Variants in FOS observed in about 807,000 individuals in gnomAD.
The protein encoded by FOS is protein c-Fos.
FOS carries 9 observed loss-of-function variants against 27.2 expected under a neutral mutation model. That is an observed-to-expected ratio of 0.33 (90% CI 0.20 to 0.58). The LOEUF is 0.58. FOS is among the 20% of genes least tolerant of loss of function. FOS has a pLI of 0.87. For missense variants in FOS, 405 were observed against 483.5 expected (o/e 0.84, Z 1.52); for synonymous variants, 213 against 205.1 (o/e 1.04, Z -0.33).
chr14:75,280,703 A>C (rs1387117510), intron 3 of FOS, 36 bp downstream of exon 3: 1 of 1,518,550 alleles, frequency 6.6e-7, no homozygotes, highest in Non-Finnish European at 8.8e-7. Context: ...TTTAAAACTT[A>C]AGGGGAAAGT....
chr14:75,279,278 T>C lies in FOS; in HGVS notation c.141+155T>C. 1.0e-6 allele frequency: 1 copy of C among 973,106 alleles called. No homozygotes were observed. The allele number at this position is 973,106 out of a possible 1,614,324, so 60.3% of individuals were successfully genotyped here. A position where few individuals can be genotyped will look rare whatever the true frequency, so the allele number is the denominator to read the frequency against. On this transcript the variant is annotated intron_variant, in intron 1 of 3. Coordinates refer to ENST00000303562, the MANE Select transcript of FOS (RefSeq NM_005252.4). The surrounding 1 kb of genome is among the most constrained non-coding windows in gnomAD (Gnocchi z 5.4). ...CGGTGCCGGCTCGGGGGCTCGGGAC[T>C]TGCTCTGAGCGCACGCACGCTTGCC...
Position 75,281,014 on chromosome 14 carries a change from A to G in FOS, c.733A>G (p.Asn245Asp). 1 of 1,614,010 alleles carries G rather than the reference A, an allele frequency of 6.2e-7. No individual in the cohort carries two copies. Among genetic ancestry groups the G allele is most frequent in the Non-Finnish European group, 8.5e-7 (1 of 1,180,010 alleles). ...GGAGGCCTTCACCCTGCCTCTCCTC[A>G]ATGACCCTGAGCCCAAGCCCTCAGT... ...SEEAFTLPLL[N>D]DPEPKPSVEP... The change falls in exon 4 of 4, where the codon AAT (asparagine) becomes GAT (aspartate). Residue 245 changes from asparagine to aspartate, a missense_variant. By Grantham distance (23) the Asn-to-Asp change is conservative (BLOSUM62 1). Coordinates refer to ENST00000303562, the MANE Select transcript of FOS (RefSeq NM_005252.4). This position sits in a 1 kb window ranked among gnomAD's most constrained non-coding sequence, Gnocchi z 4.7.
chr14:75,280,260 G>C, intron 2 of FOS, 132 bp downstream of exon 2: 1 of 1,251,348 alleles, frequency 8.0e-7, no homozygotes, highest in Non-Finnish European at 1.1e-6. Flanking sequence ...TGGGAGCCCT[G>C]GCTCCAAGCC....
chr14:75,279,072 C>G lies in FOS; in HGVS notation c.90C>G (p.Tyr30Ter). 1.2e-6 allele frequency: 2 copies of G among 1,613,716 alleles called. No individual in the cohort carries two copies. ...ASPAGDSLSY[Y>*]HSPADSFSSM... ...CGGCCGGGGATAGCCTCTCTTACTA[C>G]CACTCACCCGCAGACTCCTTCTCCA... Residue 30 changes from tyrosine to a stop codon, truncating the protein, a stop_gained, in exon 1 of 4, where the codon TAC becomes TAG. Transcript: ENST00000303562. LOFTEE classifies it high-confidence loss of function. The surrounding 1 kb of genome is among the most constrained non-coding windows in gnomAD (Gnocchi z 5.4).
In FOS at chr14:75,279,670, C is replaced by T. The variant is rs1009320074; in HGVS notation, c.142-207C>T. Reference sequence around the variant, plus strand: ...TGCTGAAGGGATAACGGGAACGCAGCGGCAGGATGGAAGAGACAGGCACTG... The same window carrying T: ...TGCTGAAGGGATAACGGGAACGCAGTGGCAGGATGGAAGAGACAGGCACTG... On this transcript the variant is annotated intron_variant, in intron 1 of 3. Transcript: ENST00000303562. This position sits in a 1 kb window ranked among gnomAD's most constrained non-coding sequence, Gnocchi z 5.4. 8.3e-6 allele frequency: 5 copies of T among 601,908 alleles called. No homozygotes were observed. The highest frequency in any genetic ancestry group is 3.0e-5 in the Admixed American group (1 of 33,766). The allele number at this position is 601,908 out of a possible 1,614,324, so 37.3% of individuals were successfully genotyped here. A position where few individuals can be genotyped will look rare whatever the true frequency, so the allele number is the denominator to read the frequency against.
At position 75,278,890 on chromosome 14, in the gene FOS, C is replaced by T; in HGVS notation, c.-93C>T. On this transcript the variant is annotated 5_prime_UTR_variant, in exon 1 of 4. In the 5' UTR this introduces an upstream ATG that the reference lacks. Transcript: ENST00000303562. This position sits in a 1 kb window ranked among gnomAD's most constrained non-coding sequence, Gnocchi z 4.1. ...GAGCCGGCGGCCGCGGCGCAGCGAA[C>T]GAGCAGTGACCGTGCTCCTACCCAG... 1 of 1,486,986 alleles carries T rather than the reference C, an allele frequency of 6.7e-7. No homozygotes were observed. The highest frequency in any genetic ancestry group is 9.2e-7 in the Non-Finnish European group (1 of 1,091,178). 92.1% of individuals were successfully genotyped at this position (1,486,986 alleles called of 1,614,324 possible).
chr14:75,281,253 C>G lies in FOS; in HGVS notation c.972C>G (p.Cys324Trp), dbSNP rs374995842. Reference sequence around the variant, plus strand: ...TGGCCACAGAGCTGGAGCCCCTGTGCACTCCGGTGGTCACCTGTACTCCCA... The same window carrying G: ...TGGCCACAGAGCTGGAGCCCCTGTGGACTCCGGTGGTCACCTGTACTCCCA... ...GPMATELEPLCTPVVTCTPSC... is the reference protein window; with the variant it reads ...GPMATELEPLWTPVVTCTPSC... Residue 324 changes from cysteine (C) to tryptophan (W), a missense_variant, in exon 4 of 4, where the codon TGC becomes TGG. Coordinates refer to ENST00000303562, the MANE Select transcript of FOS (RefSeq NM_005252.4). The surrounding 1 kb of genome is among the most constrained non-coding windows in gnomAD (Gnocchi z 4.7). The G allele has an allele frequency of 1.9e-6, 3 of 1,612,180 alleles. No homozygotes were observed. The highest frequency in any genetic ancestry group is 2.5e-6 in the Non-Finnish European group (3 of 1,180,004).
chr14:75,281,234 C>G lies in FOS; in HGVS notation c.953C>G (p.Thr318Arg). 1 of 1,612,736 alleles carries G rather than the reference C, an allele frequency of 6.2e-7. No individual in the cohort carries two copies. Residue 318 changes from threonine (T) to arginine (R), a missense_variant, in exon 4 of 4, where the codon ACA becomes AGA. Physicochemically the swap from Thr to Arg is moderately conservative, Grantham distance 71 (BLOSUM62 -1). Transcript: ENST00000303562. This position sits in a 1 kb window ranked among gnomAD's most constrained non-coding sequence, Gnocchi z 4.7. ...SGSLGMGPMA[T>R]ELEPLCTPVV... ...TCCCTGGGGATGGGGCCCATGGCCA[C>G]AGAGCTGGAGCCCCTGTGCACTCCG...
rs1347326832 is a variant in FOS, at chr14:75,279,207, A to C, written c.141+84A>C. The C allele has an allele frequency of 6.4e-7, 1 of 1,562,514 alleles. No homozygotes were observed. Among genetic ancestry groups the C allele is most frequent in the Non-Finnish European group, 8.7e-7 (1 of 1,151,686 alleles). ...ACCGGGCGGGACGCTCCAGTAGATG[A>C]GTAGGGGGCTCCCTTGTGCCTGGAG... On this transcript the variant is annotated intron_variant, in intron 1 of 3. Transcript: ENST00000303562. This position sits in a 1 kb window ranked among gnomAD's most constrained non-coding sequence, Gnocchi z 5.4.
At chr14:75,280,432 A>T in intron 2 of FOS, 128 bp from the exon 3 acceptor site, 2 of 759,684 alleles carry the variant, frequency 2.6e-6, no homozygotes, top group Non-Finnish European at 4.3e-6. Context: ...ACTGCAGGTC[A>T]GAAATGGTTT....
rs4645853 is a variant in FOS, at chr14:75,279,191, G to A, written c.141+68G>A. 47,993 of 1,596,570 alleles carry A rather than the reference G, an allele frequency of 0.03. 834 individuals carry two copies. Among genetic ancestry groups the A allele is most frequent in the African/African-American group, 0.055 (4,078 of 74,818 alleles). On this transcript the variant is annotated intron_variant, in intron 1 of 3. Coordinates refer to ENST00000303562, the MANE Select transcript of FOS (RefSeq NM_005252.4). The surrounding 1 kb of genome is among the most constrained non-coding windows in gnomAD (Gnocchi z 5.4). Reference sequence around the variant, plus strand: ...TCGCGGAGGAGGAGACACCGGGCGGGACGCTCCAGTAGATGAGTAGGGGGC... The same window carrying A: ...TCGCGGAGGAGGAGACACCGGGCGGAACGCTCCAGTAGATGAGTAGGGGGC...
At position 75,279,268 on chromosome 14, in the gene FOS, G is replaced by T; in HGVS notation, c.141+145G>T. On this transcript the variant is annotated intron_variant, in intron 1 of 3. Coordinates refer to ENST00000303562, the MANE Select transcript of FOS (RefSeq NM_005252.4). The surrounding 1 kb of genome is among the most constrained non-coding windows in gnomAD (Gnocchi z 5.4). ...GTGGCCGGAGCGGTGCCGGCTCGGG[G>T]GCTCGGGACTTGCTCTGAGCGCACG... 9.4e-7 allele frequency: 1 copy of T among 1,066,016 alleles called. No homozygotes were observed. Among genetic ancestry groups the T allele is most frequent in the Admixed American group, 2.6e-5 (1 of 38,662 alleles). 66.0% of individuals were successfully genotyped at this position (1,066,016 alleles called of 1,614,324 possible).
chr14:75,279,137 C>G lies in FOS; in HGVS notation c.141+14C>G. 1 of 1,612,032 alleles carries G rather than the reference C, an allele frequency of 6.2e-7. No individual in the cohort carries two copies. Among genetic ancestry groups the G allele is most frequent in the African/African-American group, 1.3e-5 (1 of 75,046 alleles). On this transcript the variant is annotated intron_variant, in intron 1 of 3. Coordinates refer to ENST00000303562, the MANE Select transcript of FOS (RefSeq NM_005252.4). This position sits in a 1 kb window ranked among gnomAD's most constrained non-coding sequence, Gnocchi z 5.4. ...GTCAACGCGCAGGTAAGGCTGGCTT[C>G]CCGTCGCCGCGGGGCCGGGGGCTTG... is the stretch of plus-strand genomic sequence containing the variant.
In FOS at chr14:75,279,706, T is replaced by C; in HGVS notation, c.142-171T>C. On this transcript the variant is annotated intron_variant, in intron 1 of 3. Coordinates refer to ENST00000303562, the MANE Select transcript of FOS (RefSeq NM_005252.4). The surrounding 1 kb of genome is among the most constrained non-coding windows in gnomAD (Gnocchi z 5.4). ...AAGAGACAGGCACTGCGCTGCGGAA[T>C]GCCTGGGAGGAAAAGGGGGAGACCT... 2 of 734,756 alleles carry C rather than the reference T, an allele frequency of 2.7e-6. No individual in the cohort carries two copies. Among genetic ancestry groups the C allele is most frequent in the Admixed American group, 5.1e-5 (2 of 38,938 alleles). The allele number at this position is 734,756 out of a possible 1,614,324, so 45.5% of individuals were successfully genotyped here.
At position 75,281,726 on chromosome 14, in the gene FOS, C is replaced by G. The variant is rs1897232407; in HGVS notation, c.*302C>G. On this transcript the variant is annotated 3_prime_UTR_variant, in exon 4 of 4. Transcript: ENST00000303562. This position sits in a 1 kb window ranked among gnomAD's most constrained non-coding sequence, Gnocchi z 4.7. The stretch of plus-strand genomic sequence containing the variant: ...CCAGGCCTGGGTCTGTGTCTCTTTT[C>G]TCTTTCTCCTTAGTCTTCTCATAGC... 2 of 414,446 alleles carry G rather than the reference C, an allele frequency of 4.8e-6. No homozygotes were observed. The highest frequency in any genetic ancestry group is 8.4e-5 in the East Asian group (2 of 23,890). The allele number at this position is 414,446 out of a possible 1,614,324, so 25.7% of individuals were successfully genotyped here. A position where few individuals can be genotyped will look rare whatever the true frequency, so the allele number is the denominator to read the frequency against.
At chr14:75,280,291 T>G (rs767286105) in intron 2 of FOS, 163 bp downstream of exon 2, 1 of 928,082 alleles carries the variant, frequency 1.1e-6, no homozygotes. Flanking sequence ...CAACTCAGAC[T>G]CTGAGTCTCA....
intron 2 of FOS, 89 bp from the exon 3 acceptor site, chr14:75,280,471 C>A: frequency 2.0e-6 from 2 of 1,025,208 alleles, no homozygotes; most frequent in Non-Finnish European, 2.9e-6. Context: ...AGCAGGGAAG[C>A]TGCAGGAGCC....
Position 75,279,351 on chromosome 14 carries a change from A to T in FOS, c.141+228A>T, listed in dbSNP as rs978884018. 11 of 600,872 alleles carry T rather than the reference A, an allele frequency of 1.8e-5. No homozygotes were observed. The African/African-American group carries it at 2.1e-4, about 11-fold the overall frequency. The allele number at this position is 600,872 out of a possible 1,614,324, so 37.2% of individuals were successfully genotyped here. ...TCGGGAGGCAGGTTCGTTCTGAGCA[A>T]CCTCTGGTCTGCACTCCAGGACGGA... On this transcript the variant is annotated intron_variant, in intron 1 of 3. Coordinates refer to ENST00000303562, the MANE Select transcript of FOS (RefSeq NM_005252.4). This position sits in a 1 kb window ranked among gnomAD's most constrained non-coding sequence, Gnocchi z 5.4.
rs920957357 is a variant in FOS, at chr14:75,279,476, C to T, written c.141+353C>T. ...GGCAGAAAGCGGCAATCCCCCCTCC[C>T]CCGGCAGCCTGGAGCACGGAGGAGG... On this transcript the variant is annotated intron_variant, in intron 1 of 3. Transcript: ENST00000303562. This position sits in a 1 kb window ranked among gnomAD's most constrained non-coding sequence, Gnocchi z 5.4. The T allele has an allele frequency of 4.5e-6, 2 of 444,632 alleles. No homozygotes were observed. The highest frequency in any genetic ancestry group is 2.0e-5 in the African/African-American group (1 of 49,054). 27.5% of individuals were successfully genotyped at this position (444,632 alleles called of 1,614,324 possible).
Sources: allele counts gnomAD v4.1 joint callset, GRCh38; gene constraint gnomAD v4.1.1; non-coding constraint Gnocchi (gnomAD v3.1); transcripts MANE v1.5; gene names NCBI Gene and HGNC (gene_info 2026-07-23, HGNC 2026-07-21).